The following DTNA variants were observed in gnomAD, a reference collection of about 807,000 sequenced individuals.
The protein encoded by DTNA is dystrophin-related protein 3.
DTNA carries 43 observed loss-of-function variants against 100.7 expected under a neutral mutation model. The observed-to-expected ratio is 0.43, with a 90% confidence interval of 0.33 to 0.55. The LOEUF is 0.55. Among genes scored for constraint, DTNA ranks in the 20% least tolerant of loss-of-function variants. The probability of loss-of-function intolerance (pLI) is 0.04; values close to 1 mark genes in which losing one functional copy is unlikely to be tolerated. For missense variants in DTNA, 798 were observed against 953.9 expected, an observed-to-expected ratio of 0.84 and a Z score of 2.15; for synonymous variants, 349 against 347.9, an observed-to-expected ratio of 1.00 and a Z score of -0.04.
intron 11 of DTNA, among the ~76,000 whole-genome samples, chr18:34,831,257 C>T (rs1182110788): frequency 2.0e-5 from 3 of 152,138 alleles, no homozygotes; most frequent in Admixed American, 1.3e-4. Flanking sequence ...ATTTTAGAAA[C>T]ATCATTTAAA....
At chr18:34,713,574 C>T (rs1943085256) in intron 1 of DTNA, among the ~76,000 whole-genome samples, 1 of 151,506 alleles carries the variant, frequency 6.6e-6, no homozygotes, top group Non-Finnish European at 1.5e-5. Context: ...TGTGATGCCT[C>T]CAGCTTTGTT....
rs2096960015 is a variant in DTNA, at chr18:34,890,564, A to G, written c.*2830A>G. On this transcript the variant is annotated 3_prime_UTR_variant, in exon 23 of 23. Coordinates refer to ENST00000444659, the MANE Select transcript of DTNA (RefSeq NM_001386795.1). ...CTCCATCAGAGCTGATAGCCTGTTA[A>G]TAAGCACTGGTCTAACACAGCCAAC... 2.8e-6 allele frequency: 4 copies of G among 1,423,606 alleles called. No homozygotes were observed. Among genetic ancestry groups the G allele is most frequent in the Admixed American group, 2.1e-5 (1 of 46,978 alleles). The allele number at this position is 1,423,606 out of a possible 1,614,324, so 88.2% of individuals were successfully genotyped here.
chr18:34,567,020 A>G (rs1285514949), intron 1 of DTNA, among the ~76,000 whole-genome samples: 1 of 152,186 alleles, frequency 6.6e-6, no homozygotes, highest in East Asian at 1.9e-4. Context: ...AAATCATTCC[A>G]TGGTATGTCG....
rs149304169 is a variant in DTNA at position 34,832,014 on chromosome 18, C to T, written c.1175+2525C>T. 9.9e-5 allele frequency among the ~76,000 whole-genome samples: 15 copies of T among 152,270 alleles called. No individual in the cohort carries two copies. In the East Asian group the frequency reaches 1.7e-3, roughly 18 times the overall value. On this transcript the variant is annotated intron_variant, in intron 11 of 22. Transcript: ENST00000444659. ...ACCCAAAGATTCTTTACTTAACAAC[C>T]GTGGCTTTTAATCTGACTCAAAAAG... is the stretch of plus-strand genomic sequence containing the variant.
intron 1 of DTNA, among the ~76,000 whole-genome samples, chr18:34,543,764 A>T (rs528095581): frequency 2.0e-4 from 30 of 152,282 alleles, no homozygotes; most frequent in Non-Finnish European, 4.3e-4. Flanking sequence ...TGGAAACATC[A>T]TACAAATACT....
intron 1 of DTNA, among the ~76,000 whole-genome samples, chr18:34,614,462 T>A (rs773686428): frequency 6.6e-6 from 1 of 152,170 alleles, no homozygotes; most frequent in South Asian, 2.1e-4. Context: ...CTGGACAAAG[T>A]AAATCAAAAA....
chr18:34,879,520 C>T lies in DTNA; in HGVS notation c.1994-31C>T, dbSNP rs774184238. 1.9e-6 allele frequency: 3 copies of T among 1,612,524 alleles called. No individual in the cohort carries two copies. The South Asian group carries it at 3.3e-5, about 18-fold the overall frequency. ...CAGGTCATAAAAAAATCTAACGAGT[C>T]ATTCTTTATTTCTTCAATTGTATCT... On this transcript the variant is annotated intron_variant, in intron 19 of 22. Coordinates refer to ENST00000444659, the MANE Select transcript of DTNA (RefSeq NM_001386795.1).
At chr18:34,852,142 AG>A (rs1248389443) in intron 15 of DTNA, among the ~76,000 whole-genome samples, 1 of 152,158 alleles carries the variant, frequency 6.6e-6, no homozygotes, top group Non-Finnish European at 1.5e-5. Flanking sequence ...GTATGTGTAT[AG>A]TTCTGAGATA....
chr18:34,795,958 T>C (rs201948505), intron 4 of DTNA, among the ~76,000 whole-genome samples: 3 of 152,244 alleles, frequency 2.0e-5, no homozygotes, highest in African/African-American at 4.8e-5. Flanking sequence ...CATTTCAAGA[T>C]TGATGAAAAG....
chr18:34,547,924 C>G (rs1307910269), intron 1 of DTNA, among the ~76,000 whole-genome samples: 1 of 152,122 alleles, frequency 6.6e-6, no homozygotes, highest in Non-Finnish European at 1.5e-5. Flanking sequence ...AGTGTTAACC[C>G]AGCCAGAATC....
chr18:34,791,890 G>A (rs931509339), intron 3 of DTNA, among the ~76,000 whole-genome samples: 1 of 152,136 alleles, frequency 6.6e-6, no homozygotes, highest in Non-Finnish European at 1.5e-5. Context: ...CATAGATGAA[G>A]GAAGTGAGAC....
intron 3 of DTNA, among the ~76,000 whole-genome samples, chr18:34,791,102 G>A (rs2094719812): frequency 6.6e-6 from 1 of 152,102 alleles, no homozygotes; most frequent in African/African-American, 2.4e-5. Context: ...ACCCTTATGT[G>A]GGCCACTCCT....
intron 1 of DTNA, among the ~76,000 whole-genome samples, chr18:34,531,328 C>G (rs1300927239): frequency 6.6e-6 from 1 of 152,086 alleles, no homozygotes; most frequent in Non-Finnish European, 1.5e-5. Flanking sequence ...TGACTTTAAG[C>G]CAGTCATTGT....
intron 2 of DTNA, among the ~76,000 whole-genome samples, chr18:34,765,119 T>C (rs1273698424): frequency 1.3e-5 from 2 of 152,134 alleles, no homozygotes; most frequent in Non-Finnish European, 2.9e-5. Flanking sequence ...GGAAAGAAAC[T>C]GCAGACGAGC....
Position 34,885,232 on chromosome 18 carries a change from C to T in DTNA, c.*31+456C>T, listed in dbSNP as rs1406994702. ...ATGTGTGTGCCTTAACGAGTGAAAG[C>T]AAAATCATGCATTAATAAAGAGAAC... On this transcript the variant is annotated intron_variant, in intron 22 of 22. Coordinates refer to ENST00000444659, the MANE Select transcript of DTNA (RefSeq NM_001386795.1). 9.9e-5 allele frequency among the ~76,000 whole-genome samples: 15 copies of T among 152,232 alleles called. No individual in the cohort carries two copies. The South Asian group carries it at 2.3e-3, about 23-fold the overall frequency.
At chr18:34,696,016 G>A (rs149481002) in intron 1 of DTNA, among the ~76,000 whole-genome samples, 21 of 152,284 alleles carry the variant, frequency 1.4e-4, no homozygotes, top group African/African-American at 5.1e-4. Context: ...AGAATAAGCA[G>A]ACTGATAGCA....
intron 17 of DTNA, among the ~76,000 whole-genome samples, chr18:34,872,269 C>A (rs1329726108): frequency 6.6e-6 from 1 of 152,096 alleles, no homozygotes; most frequent in Non-Finnish European, 1.5e-5. Flanking sequence ...GAGAGGCTTA[C>A]AGAAAAGGAG....
intron 1 of DTNA, among the ~76,000 whole-genome samples, chr18:34,504,577 T>C (rs1027705218): frequency 6.6e-6 from 1 of 152,214 alleles, no homozygotes; most frequent in African/African-American, 2.4e-5. Flanking sequence ...CTTGATTTTT[T>C]CTTTCTTCCT....
At chr18:34,827,508 C>T in intron 9 of DTNA, 85 bp from the exon 10 acceptor site, 1 of 1,262,760 alleles carries the variant, frequency 7.9e-7, no homozygotes, top group Non-Finnish European at 1.2e-6. Flanking sequence ...TCTTCCCATC[C>T]CGTTTCCTGG....
Sources: allele counts gnomAD v4.1 joint callset (sites outside exome capture counted in the v4.1 genomes callset), GRCh38; gene constraint gnomAD v4.1.1; transcripts MANE v1.5; gene names NCBI Gene and HGNC (gene_info 2026-07-23, HGNC 2026-07-21).